The following CAPZA1 variants were observed in gnomAD, a reference collection of about 807,000 sequenced individuals.
CAPZA1 encodes the protein F-actin-capping protein subunit alpha-1.
In CAPZA1, 10 loss-of-function variants were observed where a neutral mutation model predicts 40.8. The ratio of observed to expected loss-of-function variants is 0.25; its 90% CI spans 0.15 to 0.42. The LOEUF is 0.42. Among genes scored for constraint, CAPZA1 ranks in the 10% least tolerant of loss-of-function variants. CAPZA1 has a pLI of 1.00. For missense variants in CAPZA1, 277 were observed against 353.8 expected (o/e 0.78, Z 1.74); for synonymous variants, 98 against 115.0 (o/e 0.85, Z 0.95).
Position 112,641,559 on chromosome 1 carries a change from AT to A in CAPZA1, c.40-5641del, listed in dbSNP as rs201301514. Among the ~76,000 whole-genome samples the A allele has an allele frequency of 1.0e-3, 153 of 150,418 alleles. 1 individual carries two copies. The highest frequency in any genetic ancestry group is 2.9e-3 in the African/African-American group (121 of 41,060). ...ACCCCTTTACATACTTAAAAACTGAATTTTTTTTTTATGTGGCTTATATCTG... is the reference window on the plus strand; with the variant it reads ...ACCCCTTTACATACTTAAAAACTGAATTTTTTTTTATGTGGCTTATATCTG... On this transcript the variant is annotated intron_variant, in intron 1 of 9. Coordinates refer to ENST00000263168, the MANE Select transcript of CAPZA1 (RefSeq NM_006135.3).
At chr1:112,664,583 T>C (rs149574164) in intron 7 of CAPZA1, among the ~76,000 whole-genome samples, 1 of 152,322 alleles carries the variant, frequency 6.6e-6, no homozygotes, top group Non-Finnish European at 1.5e-5. Context: ...AAACTTCAGT[T>C]TCCTCAGCTG....
At chr1:112,642,388 A>AT (rs372354737) in intron 1 of CAPZA1, among the ~76,000 whole-genome samples, 8,182 of 150,366 alleles carry the variant, frequency 0.054, 290 homozygotes, top group Middle Eastern at 0.11. Flanking sequence ...TAATTTTTGT[A>AT]TTTTTTTTAG....
At chr1:112,647,177 A>G (rs778588308) in intron 1 of CAPZA1, 33 bp from the exon 2 acceptor site, 1 of 1,134,754 alleles carries the variant, frequency 8.8e-7, no homozygotes, top group Non-Finnish European at 1.2e-6. Flanking sequence ...ACTCTTCATA[A>G]TTCTCCTAAG....
At chr1:112,658,136 G>T (rs1671534589) in intron 5 of CAPZA1, among the ~76,000 whole-genome samples, 1 of 152,064 alleles carries the variant, frequency 6.6e-6, no homozygotes, top group Admixed American at 6.6e-5. Context: ...AGAGGAAAAA[G>T]AAAATACATG....
At chr1:112,634,950 CCTTTA>C (rs1243239859) in intron 1 of CAPZA1, among the ~76,000 whole-genome samples, 2 of 152,138 alleles carry the variant, frequency 1.3e-5, no homozygotes, top group African/African-American at 4.8e-5. Flanking sequence ...GAGAACATTT[CCTTTA>C]CATCTTCTTA....
At chr1:112,620,063 C>T in intron 1 of CAPZA1, 180 bp downstream of exon 1, 1 of 556,252 alleles carries the variant, frequency 1.8e-6, no homozygotes, top group Non-Finnish European at 3.2e-6. Flanking sequence ...CTCACGGTGG[C>T]CCCAGTTCCT....
chr1:112,634,858 T>C (rs1670985919), intron 1 of CAPZA1: 1 of 152,230 alleles, frequency 6.6e-6, no homozygotes, highest in African/African-American at 2.4e-5. Flanking sequence ...TTTAAGTGAC[T>C]GAAATTCAAA....
At chr1:112,643,242 G>A (rs1218054283) in intron 1 of CAPZA1, among the ~76,000 whole-genome samples, 1 of 152,184 alleles carries the variant, frequency 6.6e-6, no homozygotes, top group African/African-American at 2.4e-5. Context: ...TTAGTCCTAT[G>A]TAGCATAATT....
chr1:112,652,777 TA>T (rs1214479369), intron 3 of CAPZA1, among the ~76,000 whole-genome samples: 1 of 152,206 alleles, frequency 6.6e-6, no homozygotes, highest in African/African-American at 2.4e-5. Flanking sequence ...AATATAAGTG[TA>T]GCTCTTATTT....
chr1:112,661,171 A>G (rs1671599141), intron 7 of CAPZA1, among the ~76,000 whole-genome samples: 1 of 152,204 alleles, frequency 6.6e-6, no homozygotes, highest in Non-Finnish European at 1.5e-5. Flanking sequence ...TAAATTCTGT[A>G]AAAGTAAATC....
intron 3 of CAPZA1, among the ~76,000 whole-genome samples, chr1:112,651,928 C>A (rs1009303765): frequency 6.6e-6 from 1 of 151,554 alleles, no homozygotes; most frequent in African/African-American, 2.4e-5. Context: ...CCAGCCTGGC[C>A]AACATGGTGA....
At chr1:112,641,950 C>T (rs1671175700) in intron 1 of CAPZA1, among the ~76,000 whole-genome samples, 2 of 149,758 alleles carry the variant, frequency 1.3e-5, no homozygotes. Flanking sequence ...AAATAATAAA[C>T]CTATTACATT....
intron 5 of CAPZA1, among the ~76,000 whole-genome samples, chr1:112,658,333 C>T (rs1211949823): frequency 1.2e-4 from 19 of 152,080 alleles, no homozygotes; most frequent in Admixed American, 1.2e-3. Flanking sequence ...TCTTGAGTTC[C>T]TTCTTTCCTT....
chr1:112,649,720 A>G (rs549769604), intron 3 of CAPZA1: 1 of 502,848 alleles, frequency 2.0e-6, no homozygotes, highest in South Asian at 2.8e-5. Flanking sequence ...AGCAGAGTTT[A>G]ATGTTAGCTG....
In CAPZA1 at chr1:112,662,977, G is replaced by GT. The variant is rs535720877; in HGVS notation, c.585+3204dup. ...CCCTGCCCCCTTTTTGTTTTGTTTTGTTTTTTGAGATGGAGTCTTGCTCTG... is the reference window on the plus strand; with the variant it reads ...CCCTGCCCCCTTTTTGTTTTGTTTTGTTTTTTTGAGATGGAGTCTTGCTCTG... On this transcript the variant is annotated intron_variant, in intron 7 of 9. Coordinates refer to ENST00000263168, the MANE Select transcript of CAPZA1 (RefSeq NM_006135.3). Among the ~76,000 whole-genome samples, 1,023 of 150,938 alleles carry GT rather than the reference G, an allele frequency of 6.8e-3. 2 individuals are homozygous for GT. The highest frequency in any genetic ancestry group is 0.011 in the Non-Finnish European group (753 of 67,636).
At chr1:112,668,371 TTTGTGAATATATTTTC>T (rs1313514366) in intron 8 of CAPZA1, among the ~76,000 whole-genome samples, 101 of 152,376 alleles carry the variant, frequency 6.6e-4, no homozygotes, top group African/African-American at 2.3e-3. Context: ...AAGTAACATC[TTTGTGAATATATTTTC>T]CAAATCAAAA....
chr1:112,623,418 C>T (rs996239042), intron 1 of CAPZA1, among the ~76,000 whole-genome samples: 6 of 152,138 alleles, frequency 3.9e-5, no homozygotes, highest in South Asian at 2.1e-4. Context: ...CAGTGGCTCA[C>T]GCCTGTGACC....
intron 1 of CAPZA1, among the ~76,000 whole-genome samples, chr1:112,633,151 G>T (rs1431729726): frequency 6.6e-6 from 1 of 152,294 alleles, no homozygotes; most frequent in East Asian, 1.9e-4. Flanking sequence ...ACCATGCAGT[G>T]CAGTAGAGCA....
At chr1:112,640,093 T>C (rs1258157960) in intron 1 of CAPZA1, among the ~76,000 whole-genome samples, 15 of 109,010 alleles carry the variant, frequency 1.4e-4, no homozygotes, top group Non-Finnish European at 1.9e-5. Flanking sequence ...TACTGGGAAG[T>C]GAGGAGCCCC....
Sources: allele counts gnomAD v4.1 joint callset (sites outside exome capture counted in the v4.1 genomes callset), GRCh38; gene constraint gnomAD v4.1.1; transcripts MANE v1.5; gene names NCBI Gene and HGNC (gene_info 2026-07-23, HGNC 2026-07-21).